Variants in SF3B3 observed in about 807,000 individuals in gnomAD.
The protein encoded by SF3B3 is splicing factor 3b subunit 3.
In SF3B3, 33 loss-of-function variants were observed where a neutral mutation model predicts 139.2. The observed-to-expected ratio is 0.24, with a 90% CI of 0.18 to 0.32. SF3B3 has a LOEUF of 0.32. Ranked by LOEUF, SF3B3 falls within the 10% of genes least tolerant of loss-of-function variation. The pLI, the probability that SF3B3 is intolerant of heterozygous loss-of-function variation, is 1.00. For missense variants in SF3B3, 818 were observed against 1,509.4 expected (o/e 0.54, Z 7.59); for synonymous variants, 596 against 563.6 (o/e 1.06, Z -0.81).
intron 18 of SF3B3, among the ~76,000 whole-genome samples, 162 bp from the exon 19 acceptor site, chr16:70,564,903 C>T (rs748399990): frequency 1.3e-5 from 2 of 152,212 alleles, no homozygotes; most frequent in Non-Finnish European, 2.9e-5. Context: ...AGTCTGTACA[C>T]CTCTCCCTTT....
intron 11 of SF3B3, among the ~76,000 whole-genome samples, chr16:70,553,214 G>T (rs549508866): frequency 6.6e-6 from 1 of 152,278 alleles, no homozygotes; most frequent in Non-Finnish European, 1.5e-5. Context: ...GAGCCATCAT[G>T]CCTGGTCGAA....
At chr16:70,551,233 G>A (rs977577128) in intron 11 of SF3B3, among the ~76,000 whole-genome samples, 3 of 152,146 alleles carry the variant, frequency 2.0e-5, no homozygotes, top group Admixed American at 6.6e-5. Context: ...AGACAGATGG[G>A]AGCCCTGTTG....
At chr16:70,568,913 G>T in intron 22 of SF3B3, 130 bp from the exon 23 acceptor site, 1 of 615,056 alleles carries the variant, frequency 1.6e-6, no homozygotes. Context: ...TGCAGGACAC[G>T]TGGGCTCAGG....
At chr16:70,534,163 G>T (rs914608729) in intron 5 of SF3B3, among the ~76,000 whole-genome samples, 2 of 152,200 alleles carry the variant, frequency 1.3e-5, no homozygotes, top group African/African-American at 4.8e-5. Context: ...AGATCTGAGG[G>T]CTAGTTAGAA....
At chr16:70,544,384 G>C in intron 9 of SF3B3, 54 bp from the exon 10 acceptor site, 1 of 971,362 alleles carries the variant, frequency 1.0e-6, no homozygotes, top group East Asian at 2.4e-5. Context: ...AATCAGAGTT[G>C]TGTTTGAAAA....
At chr16:70,530,984 C>T in intron 4 of SF3B3, 67 bp downstream of exon 4, 2 of 1,468,940 alleles carry the variant, frequency 1.4e-6, no homozygotes, top group South Asian at 1.3e-5. Flanking sequence ...AGATTGTTTT[C>T]CGGCCGGGCG....
chr16:70,565,010 A>AT, intron 18 of SF3B3, 55 bp from the exon 19 acceptor site: 18 of 1,558,112 alleles, frequency 1.2e-5, no homozygotes, highest in Non-Finnish European at 1.6e-5. Flanking sequence ...TCCTCTTCTC[A>AT]GCCAGCCCCT....
chr16:70,531,924 G>T (rs1182145662), intron 4 of SF3B3, among the ~76,000 whole-genome samples: 1 of 152,242 alleles, frequency 6.6e-6, no homozygotes, highest in Non-Finnish European at 1.5e-5. Context: ...GCGTCAGCCA[G>T]GTGTGGTGGC....
At position 70,573,072 on chromosome 16, in the gene SF3B3, G is replaced by C. The variant is rs979989374; in HGVS notation, c.*1259G>C. 2.6e-5 allele frequency: 4 copies of C among 152,174 alleles called. No homozygotes were observed. The highest frequency in any genetic ancestry group is 2.9e-5 in the Non-Finnish European group (2 of 68,044). 9.4% of individuals were successfully genotyped at this position (152,174 alleles called of 1,614,324 possible). On this transcript the variant is annotated 3_prime_UTR_variant, in exon 26 of 26. Transcript: ENST00000302516. ...TGGAATACAATCTGAACCTCTCAGAGCCCAGAACAGAGGGTTCCTGACACT... is the reference window on the plus strand; with the variant it reads ...TGGAATACAATCTGAACCTCTCAGACCCCAGAACAGAGGGTTCCTGACACT...
At chr16:70,540,753 A>G (rs1248921470) in intron 8 of SF3B3, among the ~76,000 whole-genome samples, 2 of 152,008 alleles carry the variant, frequency 1.3e-5, no homozygotes, top group East Asian at 3.9e-4. Flanking sequence ...AGAAAGAAAA[A>G]GATTCATGTT....
chr16:70,567,904 C>G (rs187941640), intron 21 of SF3B3, among the ~76,000 whole-genome samples: 42 of 152,260 alleles, frequency 2.8e-4, no homozygotes, highest in Non-Finnish European at 7.4e-5. Context: ...CCAGGCTAGT[C>G]TCTTAACTCC....
At chr16:70,530,127 A>AAAAT (rs148897352) in intron 3 of SF3B3, among the ~76,000 whole-genome samples, 19,590 of 132,950 alleles carry the variant, frequency 0.15, 1,905 homozygotes, top group African/African-American at 0.27. Flanking sequence ...CTGCATCTCA[A>AAAAT]AAATAAATAA....
At chr16:70,530,605 A>C in intron 3 of SF3B3, 140 bp from the exon 4 acceptor site, 1 of 769,686 alleles carries the variant, frequency 1.3e-6, no homozygotes, top group Non-Finnish European at 2.1e-6. Flanking sequence ...GATAGAAAAC[A>C]GAATCCTGAG....
In SF3B3 at chr16:70,538,466, T is replaced by C. The variant is rs748041060; in HGVS notation, c.963+6T>C. The C allele has an allele frequency of 6.2e-7, 1 of 1,611,202 alleles. No homozygotes were observed. Among genetic ancestry groups the C allele is most frequent in the East Asian group, 2.2e-5 (1 of 44,830 alleles). On this transcript the variant is annotated splice_donor_region_variant and intron_variant, in intron 7 of 25. Coordinates refer to ENST00000302516, the MANE Select transcript of SF3B3 (RefSeq NM_012426.5). ...TGGAGACAGATGAAGATATGGTAAGTAGACCATGGATGGACCAGTATAGCT... is the reference window on the plus strand; with the variant it reads ...TGGAGACAGATGAAGATATGGTAAGCAGACCATGGATGGACCAGTATAGCT...
chr16:70,543,707 T>TA (rs371628093), intron 9 of SF3B3, among the ~76,000 whole-genome samples: 3 of 151,346 alleles, frequency 2.0e-5, no homozygotes, highest in African/African-American at 4.8e-5. Flanking sequence ...GACTCTGTCT[T>TA]AAAAAAAAAT....
At chr16:70,530,963 GT>G (rs528748107) in intron 4 of SF3B3, 46 bp downstream of exon 4, 113 of 1,510,810 alleles carry the variant, frequency 7.5e-5, no homozygotes, top group Admixed American at 1.4e-4. Flanking sequence ...TCACCTCAGT[GT>G]TTTTTTTTAA....
At chr16:70,526,769 A>G (rs147503170) in intron 2 of SF3B3, 43 bp downstream of exon 2, 50 of 1,314,530 alleles carry the variant, frequency 3.8e-5, no homozygotes, top group Non-Finnish European at 5.4e-5. Context: ...TAAGTGAATT[A>G]ATACATATCT....
chr16:70,537,195 A>T (rs2050177073), intron 6 of SF3B3, among the ~76,000 whole-genome samples: 1 of 152,206 alleles, frequency 6.6e-6, no homozygotes, highest in Admixed American at 6.5e-5. Context: ...CTACATAGGG[A>T]GTGATGTATA....
At chr16:70,538,995 TG>T in intron 7 of SF3B3, 108 bp from the exon 8 acceptor site, 1 of 819,552 alleles carries the variant, frequency 1.2e-6, no homozygotes, top group Non-Finnish European at 2.1e-6. Flanking sequence ...TGTTGACCCC[TG>T]GTCAGATATG....
Sources: allele counts gnomAD v4.1 joint callset (sites outside exome capture counted in the v4.1 genomes callset), GRCh38; gene constraint gnomAD v4.1.1; transcripts MANE v1.5; gene names NCBI Gene and HGNC (gene_info 2026-07-23, HGNC 2026-07-21).